Variants in TRAPPC9 observed in about 807,000 individuals in gnomAD.
TRAPPC9 encodes the protein IKK2 binding protein.
A neutral mutation model predicts 124.0 loss-of-function variants in TRAPPC9; 83 were observed. The ratio of observed to expected loss-of-function variants is 0.67; its 90% CI spans 0.56 to 0.80. The LOEUF (loss-of-function observed/expected upper bound fraction) is 0.80, where lower values mean the gene tolerates loss of function less well. Among genes scored for constraint, TRAPPC9 ranks in the 30% least tolerant of loss-of-function variants. TRAPPC9 has a pLI of 0.00. For synonymous variants in TRAPPC9, 638 were observed against 617.5 expected, an observed-to-expected ratio of 1.03 and a Z score of -0.49; for missense variants, 1,302 against 1,508.3, an observed-to-expected ratio of 0.86 and a Z score of 2.27.
intron 11 of TRAPPC9, among the ~76,000 whole-genome samples, chr8:140,297,274 T>C (rs530337978): frequency 5.9e-5 from 9 of 152,170 alleles, no homozygotes; most frequent in Non-Finnish European, 7.4e-5. Context: ...TCAGAATCAA[T>C]AGACTAAAAA....
intron 21 of TRAPPC9, among the ~76,000 whole-genome samples, chr8:139,851,473 G>A (rs577278617): frequency 5.9e-5 from 9 of 152,076 alleles, no homozygotes; most frequent in South Asian, 2.1e-4. Flanking sequence ...GGTGCATCCC[G>A]GAAGGCATGG....
chr8:139,816,890 T>C (rs1486783178), intron 21 of TRAPPC9, among the ~76,000 whole-genome samples: 1 of 152,018 alleles, frequency 6.6e-6, no homozygotes, highest in East Asian at 1.9e-4. Context: ...GCAGGCACAG[T>C]CTCAGCTTCA....
intron 17 of TRAPPC9, among the ~76,000 whole-genome samples, chr8:140,135,917 A>G (rs954006311): frequency 2.0e-5 from 3 of 152,248 alleles, no homozygotes; most frequent in African/African-American, 7.2e-5. Context: ...CCTTCTATAT[A>G]GAAAAGCGTA....
At chr8:139,835,061 G>A (rs1826244349) in intron 21 of TRAPPC9, among the ~76,000 whole-genome samples, 1 of 152,322 alleles carries the variant, frequency 6.6e-6, no homozygotes, top group Admixed American at 6.5e-5. Context: ...CATGGAGTGG[G>A]CATCAGACTC....
At chr8:140,025,187 A>G (rs1840066666) in intron 17 of TRAPPC9, among the ~76,000 whole-genome samples, 1 of 152,212 alleles carries the variant, frequency 6.6e-6, no homozygotes, top group Non-Finnish European at 1.5e-5. Context: ...CACCCAGAGT[A>G]ACCACAGCAA....
chr8:139,891,264 A>G (rs1830327023), intron 20 of TRAPPC9, among the ~76,000 whole-genome samples: 2 of 152,226 alleles, frequency 1.3e-5, no homozygotes, highest in African/African-American at 4.8e-5. Context: ...GAGGAATGTG[A>G]GAGTAAGGGA....
At chr8:139,927,339 G>A (rs1563927981) in intron 19 of TRAPPC9, among the ~76,000 whole-genome samples, 1 of 152,076 alleles carries the variant, frequency 6.6e-6, no homozygotes, top group Non-Finnish European at 1.5e-5. Context: ...AGACCTCCCA[G>A]GCTCAAGCAA....
At chr8:140,313,047 A>G (rs545118741) in intron 9 of TRAPPC9, among the ~76,000 whole-genome samples, 4 of 152,322 alleles carry the variant, frequency 2.6e-5, no homozygotes, top group African/African-American at 9.6e-5. Flanking sequence ...GGCATGAGCC[A>G]TCACACCCAG....
At chr8:140,337,407 A>G (rs1479899358) in intron 9 of TRAPPC9, among the ~76,000 whole-genome samples, 1 of 152,222 alleles carries the variant, frequency 6.6e-6, no homozygotes, top group Non-Finnish European at 1.5e-5. Flanking sequence ...AAGATAAAAC[A>G]GGAAGAACAT....
intron 21 of TRAPPC9, among the ~76,000 whole-genome samples, chr8:139,798,846 C>T (rs1823274919): frequency 1.3e-5 from 2 of 152,136 alleles, no homozygotes; most frequent in South Asian, 4.2e-4. Flanking sequence ...TTCTGGAGGC[C>T]AGAAGTCTGA....
At chr8:140,144,969 G>T (rs1247919488) in intron 17 of TRAPPC9, among the ~76,000 whole-genome samples, 1 of 151,898 alleles carries the variant, frequency 6.6e-6, no homozygotes, top group Non-Finnish European at 1.5e-5. Flanking sequence ...TGCCTCACGG[G>T]TTCATGTGAT....
intron 17 of TRAPPC9, among the ~76,000 whole-genome samples, chr8:140,115,264 A>C (rs2060856689): frequency 6.7e-6 from 1 of 149,368 alleles, no homozygotes; most frequent in South Asian, 2.1e-4. Flanking sequence ...AACAGTTGTT[A>C]TAATGGTTTT....
chr8:140,024,030 G>A lies in TRAPPC9; in HGVS notation c.2606C>T (p.Thr869Ile). ...NFKYSGGPGH[T>I]EGYYRNLSLG... ...GGAGAGATTCCTGTAATATCCTTCA[G>A]TGTGGCCCGGGCCTCCAGAGTATTT... The change falls in exon 18 of 23, where the codon ACT (threonine) becomes ATT (isoleucine). Residue 869 changes from threonine (T) to isoleucine (I), a missense_variant. Physicochemically the swap from Thr to Ile is moderately conservative, Grantham distance 89. Coordinates refer to ENST00000438773, the MANE Select transcript of TRAPPC9 (RefSeq NM_001160372.4). 6.2e-7 allele frequency: 1 copy of A among 1,614,060 alleles called. No homozygotes were observed. Among genetic ancestry groups the A allele is most frequent in the Non-Finnish European group, 8.5e-7 (1 of 1,180,024 alleles).
At chr8:140,264,136 A>G (rs1002243395) in intron 15 of TRAPPC9, among the ~76,000 whole-genome samples, 1 of 152,242 alleles carries the variant, frequency 6.6e-6, no homozygotes, top group African/African-American at 2.4e-5. Flanking sequence ...GAAACAGACC[A>G]GACCAGAAAG....
At position 140,112,576 on chromosome 8, in the gene TRAPPC9, A is replaced by G. The variant is rs140903797; in HGVS notation, c.2557-88497T>C. On this transcript the variant is annotated intron_variant, in intron 17 of 22. Coordinates refer to ENST00000438773, the MANE Select transcript of TRAPPC9 (RefSeq NM_001160372.4). ...CCAGGCTGGACGCTGGAGATGCATG[A>G]TTTTTCATCCTCTCAAGAGATCTAT... 3.2e-3 allele frequency among the ~76,000 whole-genome samples: 489 copies of G among 152,278 alleles called. 3 individuals carry two copies. Among genetic ancestry groups the G allele is most frequent in the Non-Finnish European group, 5.5e-3 (374 of 68,024 alleles).
At position 140,272,130 on chromosome 8, in the gene TRAPPC9, C is replaced by CAAT. The variant is rs1450234909; in HGVS notation, c.2278+3527_2278+3528insATT. Among the ~76,000 whole-genome samples the CAAT allele has an allele frequency of 1.3e-3, 133 of 100,454 alleles. 1 individual carries two copies. Among genetic ancestry groups the CAAT allele is most frequent in the African/African-American group, 4.1e-3 (121 of 29,292 alleles). 65.9% of individuals were successfully genotyped at this position (100,454 alleles called of 152,430 possible). A position where few individuals can be genotyped will look rare whatever the true frequency, so the allele number is the denominator to read the frequency against. On this transcript the variant is annotated intron_variant, in intron 15 of 22. Coordinates refer to ENST00000438773, the MANE Select transcript of TRAPPC9 (RefSeq NM_001160372.4). The stretch of plus-strand genomic sequence containing the variant: ...GTGGTGGTGGCAATGGTGATGGTGG[C>CAAT]GATGGTGATGGTGATGGTGGTAGCA...
chr8:140,322,849 A>G (rs1267637330), intron 9 of TRAPPC9, among the ~76,000 whole-genome samples: 1 of 152,136 alleles, frequency 6.6e-6, no homozygotes, highest in Non-Finnish European at 1.5e-5. Flanking sequence ...AAAAACAAAA[A>G]AGCCAACAGA....
intron 14 of TRAPPC9, among the ~76,000 whole-genome samples, chr8:140,283,393 C>G (rs1455630234): frequency 1.5e-5 from 2 of 137,374 alleles, no homozygotes; most frequent in African/African-American, 5.6e-5. Flanking sequence ...CTCCTGGGTT[C>G]ACGCCATTCT....
chr8:140,221,661 C>T (rs927548228), intron 16 of TRAPPC9, 78 bp from the exon 17 acceptor site: 13 of 1,527,120 alleles, frequency 8.5e-6, no homozygotes, highest in African/African-American at 5.5e-5. Context: ...TTGTTTGGGA[C>T]GGGTCTCGCT....
Sources: allele counts gnomAD v4.1 joint callset (sites outside exome capture counted in the v4.1 genomes callset), GRCh38; gene constraint gnomAD v4.1.1; transcripts MANE v1.5; gene names NCBI Gene and HGNC (gene_info 2026-07-23, HGNC 2026-07-21).